Variants in DNAJB6 observed in about 807,000 individuals in gnomAD.
DNAJB6 encodes dnaJ homolog subfamily B member 6.
In DNAJB6, 16 loss-of-function variants were observed where a neutral mutation model predicts 42.7. The ratio of observed to expected loss-of-function variants is 0.37; its 90% CI spans 0.25 to 0.57. DNAJB6 has a LOEUF of 0.57. DNAJB6 is among the 20% of genes least tolerant of loss of function. The pLI is 0.74. For synonymous variants in DNAJB6, 170 were observed against 163.5 expected, an observed-to-expected ratio of 1.04 and a Z score of -0.30; for missense variants, 347 against 416.8, an observed-to-expected ratio of 0.83 and a Z score of 1.46.
chr7:157,407,186 G>T (rs1584949606), intron 8 of DNAJB6, among the ~76,000 whole-genome samples: 1 of 152,250 alleles, frequency 6.6e-6, no homozygotes. Flanking sequence ...GATGAGCCAG[G>T]ATGTGTGGGG....
chr7:157,344,361 A>G (rs1174463315), intron 1 of DNAJB6, among the ~76,000 whole-genome samples: 3 of 152,014 alleles, frequency 2.0e-5, no homozygotes, highest in Non-Finnish European at 4.4e-5. Flanking sequence ...AAAAAAAAAA[A>G]AAATAGCCAG....
chr7:157,382,224 G>A (rs1563136899), intron 5 of DNAJB6, 22 bp from the exon 6 acceptor site: 1 of 1,567,554 alleles, frequency 6.4e-7, no homozygotes, highest in Non-Finnish European at 8.6e-7. Flanking sequence ...ACTTCATAGT[G>A]TGTGTTTATG....
chr7:157,349,598 T>A (rs1030579596), intron 1 of DNAJB6, among the ~76,000 whole-genome samples: 2 of 151,974 alleles, frequency 1.3e-5, no homozygotes, highest in Admixed American at 6.5e-5. Context: ...TCCTCCCACC[T>A]CAGCCTCCCG....
intron 8 of DNAJB6, among the ~76,000 whole-genome samples, chr7:157,398,482 T>C (rs1465929441): frequency 6.6e-6 from 1 of 152,234 alleles, no homozygotes; most frequent in African/African-American, 2.4e-5. Context: ...CTGCGTGTTA[T>C]CAGCCAGGCT....
Position 157,406,493 on chromosome 7 carries a change from G to A in DNAJB6, c.692-3302G>A, listed in dbSNP as rs545544765. Among the ~76,000 whole-genome samples the A allele has an allele frequency of 5.3e-5, 8 of 152,348 alleles. No homozygotes were observed. In the South Asian group the frequency reaches 1.7e-3, roughly 32 times the overall value. On this transcript the variant is annotated intron_variant, in intron 8 of 9. Transcript: ENST00000262177. ...TGCTGTCCACCTGCCACGTGTGCCA[G>A]CCCCAGCCTTCCTCCCAAGTGAGTG...
At chr7:157,352,069 C>T (rs148985560) in intron 1 of DNAJB6, among the ~76,000 whole-genome samples, 191 of 152,034 alleles carry the variant, frequency 1.3e-3, no homozygotes, top group African/African-American at 3.9e-3. Flanking sequence ...TTGTGGCTCA[C>T]GCCTGTATTC....
At chr7:157,359,014 C>T (rs900740220) in intron 2 of DNAJB6, among the ~76,000 whole-genome samples, 1 of 152,188 alleles carries the variant, frequency 6.6e-6, no homozygotes, top group African/African-American at 2.4e-5. Flanking sequence ...GGGCTCCGGC[C>T]TATGCCACTG....
intron 5 of DNAJB6, among the ~76,000 whole-genome samples, chr7:157,368,212 A>G (rs913630803): frequency 6.6e-6 from 1 of 152,226 alleles, no homozygotes; most frequent in East Asian, 1.9e-4. Context: ...AAAGGGTTTA[A>G]TGTATTTTTT....
intron 8 of DNAJB6, among the ~76,000 whole-genome samples, chr7:157,408,386 A>C (rs12669882): frequency 0.093 from 14,112 of 152,304 alleles, 998 homozygotes; most frequent in East Asian, 0.31. Context: ...GCTGAATTCC[A>C]GAAACGATGG....
At chr7:157,359,910 G>A (rs115207426) in intron 2 of DNAJB6, among the ~76,000 whole-genome samples, 1 of 152,196 alleles carries the variant, frequency 6.6e-6, no homozygotes, top group Non-Finnish European at 1.5e-5. Flanking sequence ...CTGAGGAGAG[G>A]TCAGGCAGGC....
chr7:157,340,511 A>G (rs113280221), intron 1 of DNAJB6, among the ~76,000 whole-genome samples: 3,340 of 152,038 alleles, frequency 0.022, 103 homozygotes, highest in African/African-American at 0.072. Context: ...CTACCTGCAG[A>G]AAAGTCAACT....
chr7:157,340,997 T>TGTGTGTGTGTGTGTGC (rs902019051), intron 1 of DNAJB6, among the ~76,000 whole-genome samples: 25 of 118,396 alleles, frequency 2.1e-4, no homozygotes, highest in African/African-American at 6.8e-4. Context: ...TGTGTGTGTG[T>TGTGTGTGTGTGTGTGC]GCGCGCGCGC....
intron 5 of DNAJB6, chr7:157,369,603 TAGGCCCCTTCTTAACATTGTTATTAAAG>T (rs1249422799): frequency 9.7e-6 from 3 of 309,974 alleles, no homozygotes; most frequent in Non-Finnish European, 1.9e-5. Context: ...TATTATTAAA[TAGGCCCCTTCTTAACATTGTTATTAAAG>T]AGGCCCTTTC....
chr7:157,366,445 A>G (rs1295494576), intron 3 of DNAJB6, 57 bp from the exon 4 acceptor site: 18 of 1,468,238 alleles, frequency 1.2e-5, no homozygotes, highest in African/African-American at 1.1e-4. Flanking sequence ...TACCTTATCT[A>G]TTGAATTAAG....
chr7:157,372,992 A>G (rs1800292389), intron 5 of DNAJB6, among the ~76,000 whole-genome samples: 3 of 152,184 alleles, frequency 2.0e-5, no homozygotes, highest in African/African-American at 4.8e-5. Context: ...CTGGCCTCCA[A>G]CCGCTAGGCT....
intron 8 of DNAJB6, among the ~76,000 whole-genome samples, chr7:157,396,899 A>G (rs963367554): frequency 1.3e-5 from 2 of 152,058 alleles, no homozygotes; most frequent in African/African-American, 4.8e-5. Context: ...CTACATGGGA[A>G]GGCCGACGCC....
chr7:157,395,063 C>T (rs959619656), intron 8 of DNAJB6, among the ~76,000 whole-genome samples: 1 of 152,132 alleles, frequency 6.6e-6, no homozygotes, highest in Non-Finnish European at 1.5e-5. Flanking sequence ...CTCGGCACTC[C>T]AGCCTGGGCA....
chr7:157,374,245 T>A (rs1222259537), intron 5 of DNAJB6, among the ~76,000 whole-genome samples: 3 of 152,134 alleles, frequency 2.0e-5, no homozygotes, highest in Non-Finnish European at 2.9e-5. Flanking sequence ...CGTGTTGAGA[T>A]GGAGCTGTTT....
intron 1 of DNAJB6, among the ~76,000 whole-genome samples, chr7:157,341,432 G>C (rs1424776285): frequency 6.6e-6 from 1 of 152,136 alleles, no homozygotes; most frequent in Non-Finnish European, 1.5e-5. Context: ...CCATATTTTA[G>C]AATTCTTAAG....
Sources: allele counts gnomAD v4.1 joint callset (sites outside exome capture counted in the v4.1 genomes callset), GRCh38; gene constraint gnomAD v4.1.1; transcripts MANE v1.5; gene names NCBI Gene and HGNC (gene_info 2026-07-23, HGNC 2026-07-21).